Variants in SNED1 observed in about 807,000 individuals in gnomAD.
The protein encoded by SNED1 is sushi, nidogen and EGF-like domain-containing protein 1.
In SNED1, 81 loss-of-function variants were observed where a neutral mutation model predicts 166.7. The observed-to-expected ratio is 0.49, with a 90% CI of 0.41 to 0.58. The LOEUF (loss-of-function observed/expected upper bound fraction) is 0.58. SNED1 is among the 20% of genes least tolerant of loss of function. The probability of loss-of-function intolerance (pLI) is 0.00; values close to 1 mark genes in which losing one functional copy is unlikely to be tolerated. For synonymous variants in SNED1, 762 were observed against 822.0 expected (o/e 0.93, Z 1.25); for missense variants, 1,604 against 2,000.2 (o/e 0.80, Z 3.78).
At chr2:241,041,920 C>T (rs1025043446) in intron 8 of SNED1, among the ~76,000 whole-genome samples, 3 of 152,286 alleles carry the variant, frequency 2.0e-5, no homozygotes, top group African/African-American at 7.2e-5. Flanking sequence ...GAAAAACAGA[C>T]AAAATCTGTG....
intron 31 of SNED1, chr2:241,089,257 TC>T: frequency 6.5e-7 from 1 of 1,531,340 alleles, no homozygotes. Flanking sequence ...GCTTTGCTCT[TC>T]CTGCCCCTTA....
intron 17 of SNED1, chr2:241,063,250 A>AGG: frequency 2.1e-6 from 1 of 482,114 alleles, no homozygotes. Flanking sequence ...ACACTCTTGT[A>AGG]CCTCGCTAGG....
intron 31 of SNED1, chr2:241,089,361 C>T (rs745333252): frequency 3.1e-5 from 48 of 1,550,260 alleles, no homozygotes; most frequent in Middle Eastern, 1.7e-4. Flanking sequence ...TGTTTTGTTA[C>T]GTGCCTAAAA....
At position 241,094,279 on chromosome 2, in the gene SNED1, C is replaced by T. The variant is rs746837415; in HGVS notation, c.*2643C>T. On this transcript the variant is annotated 3_prime_UTR_variant, in exon 32 of 32. Transcript: ENST00000310397. The surrounding 1 kb of genome is among the most constrained non-coding windows in gnomAD (Gnocchi z 4.3). ...GCCCCACTCAGGTATCAGCTCACCTCCTGCACCTCCCCTTAGCAGGAACTC... is the reference window on the plus strand; with the variant it reads ...GCCCCACTCAGGTATCAGCTCACCTTCTGCACCTCCCCTTAGCAGGAACTC... 2 of 469,238 alleles carry T rather than the reference C, an allele frequency of 4.3e-6. No individual in the cohort carries two copies. Among genetic ancestry groups the T allele is most frequent in the South Asian group, 3.1e-5 (2 of 64,484 alleles). The allele number at this position is 469,238 out of a possible 1,614,324, so 29.1% of individuals were successfully genotyped here.
chr2:241,016,252 T>G (rs1414528255), intron 1 of SNED1, among the ~76,000 whole-genome samples: 2 of 139,506 alleles, frequency 1.4e-5, no homozygotes, highest in Non-Finnish European at 3.0e-5. Context: ...TGGAGTGCAG[T>G]GGCACGATCT....
At chr2:241,044,958 G>C (rs929129708) in intron 8 of SNED1, among the ~76,000 whole-genome samples, 1 of 152,150 alleles carries the variant, frequency 6.6e-6, no homozygotes, top group African/African-American at 2.4e-5. Flanking sequence ...GGTGAATCTT[G>C]GGACAGCAAC....
rs1030786275 is a variant in SNED1 at position 241,067,973 on chromosome 2, G to A, written c.3194+26G>A. On this transcript the variant is annotated intron_variant, in intron 22 of 31. Coordinates refer to ENST00000310397, the MANE Select transcript of SNED1 (RefSeq NM_001080437.3). ...GTAAGAAGGGACACCCAGAGCATGG[G>A]GCTGGGGTGAAGGCAGGGGTGGGGG... is the stretch of plus-strand genomic sequence containing the variant. 8 of 1,590,338 alleles carry A rather than the reference G, an allele frequency of 5.0e-6. No homozygotes were observed. The Admixed American group carries it at 5.1e-5, about 10-fold the overall frequency.
intron 16 of SNED1, among the ~76,000 whole-genome samples, chr2:241,058,364 G>A (rs2062127318): frequency 6.6e-6 from 1 of 151,996 alleles, no homozygotes; most frequent in Non-Finnish European, 1.5e-5. Context: ...TTAATTAAAT[G>A]TCTGACTTCA....
At chr2:241,027,330 C>T (rs2061002287) in intron 1 of SNED1, among the ~76,000 whole-genome samples, 1 of 152,212 alleles carries the variant, frequency 6.6e-6, no homozygotes, top group South Asian at 2.1e-4. Flanking sequence ...ATCCACCTGC[C>T]TCAGCCACCA....
chr2:241,035,602 G>T (rs1021456542), intron 4 of SNED1: 1 of 152,218 alleles, frequency 6.6e-6, no homozygotes, highest in Non-Finnish European at 1.5e-5. Flanking sequence ...CCTCCCAGCC[G>T]CGAGCATCTA....
chr2:241,090,409 T>C (rs374005131), intron 31 of SNED1: 15 of 1,548,880 alleles, frequency 9.7e-6, no homozygotes, highest in Middle Eastern at 1.8e-4. Flanking sequence ...CCTGAGGCCA[T>C]TTTATAGTTA....
rs1247660006 is a variant in SNED1, at chr2:241,037,283, C to G, written c.975C>G (p.Thr325=). Residue 325 remains threonine, a synonymous_variant, in exon 6 of 32, where the codon ACC becomes ACG. Transcript: ENST00000310397. The part of the protein sequence containing the change: ...CASQPCQNGG[T]CTHGINSFRC... The stretch of plus-strand genomic sequence containing the variant: ...CCCAGCCCTGTCAGAATGGTGGGAC[C>G]TGTACTCACGGCATCAACAGTTTCC... 1 of 1,611,612 alleles carries G rather than the reference C, an allele frequency of 6.2e-7. No individual in the cohort carries two copies.
chr2:241,047,329 A>G (rs891664126), intron 8 of SNED1, among the ~76,000 whole-genome samples: 33 of 152,164 alleles, frequency 2.2e-4, no homozygotes, highest in Non-Finnish European at 1.2e-4. Context: ...ATATACTTGT[A>G]CCTATTAACA....
intron 16 of SNED1, among the ~76,000 whole-genome samples, chr2:241,055,899 T>A (rs1258868573): frequency 6.6e-6 from 1 of 152,204 alleles, no homozygotes; most frequent in Admixed American, 6.5e-5. Flanking sequence ...TTAAAACTGC[T>A]CTAGCCCCAA....
chr2:241,077,733 A>G (rs2063097253), intron 27 of SNED1, among the ~76,000 whole-genome samples: 1 of 152,224 alleles, frequency 6.6e-6, no homozygotes, highest in African/African-American at 2.4e-5. Context: ...AATGGCCAGT[A>G]ATCACACCGA....
intron 1 of SNED1, among the ~76,000 whole-genome samples, chr2:241,027,694 A>G (rs935721670): frequency 4.7e-5 from 7 of 149,376 alleles, no homozygotes; most frequent in African/African-American, 1.2e-4. Flanking sequence ...AAGGGTTCCA[A>G]TTTCTCCACA....
At chr2:241,027,509 A>G (rs1471631828) in intron 1 of SNED1, among the ~76,000 whole-genome samples, 2 of 152,220 alleles carry the variant, frequency 1.3e-5, no homozygotes, top group East Asian at 1.9e-4. Flanking sequence ...TAATAATGCT[A>G]TGAACATGTG....
At chr2:241,067,704 C>T in intron 21 of SNED1, 60 bp from the exon 22 acceptor site, 4 of 1,465,672 alleles carry the variant, frequency 2.7e-6, no homozygotes, top group Non-Finnish European at 3.7e-6. Flanking sequence ...ATCTTGAGCC[C>T]CTGCACTCCC....
rs201696513 is a variant in SNED1 at position 241,053,263 on chromosome 2, G to C, written c.2194G>C (p.Ala732Pro). Residue 732 changes from alanine (A) to proline (P), a missense_variant, in exon 16 of 32, where the codon GCC (alanine) becomes CCC (proline). Coordinates refer to ENST00000310397, the MANE Select transcript of SNED1 (RefSeq NM_001080437.3). ...YACDRGYSLS[A>P]PSRIRVCQPH... ...ATGTGACCGTGGCTACAGCCTGAGC[G>C]CCCCCAGCCGCATCCGGGTCTGCCA... is the stretch of plus-strand genomic sequence containing the variant. 1 of 1,602,166 alleles carries C rather than the reference G, an allele frequency of 6.2e-7. No homozygotes were observed.
Sources: gnomAD v4.1 joint callset for allele counts (sites outside exome capture counted in the v4.1 genomes callset) on GRCh38, gnomAD v4.1.1 for gene constraint, Gnocchi (gnomAD v3.1) non-coding constraint, MANE v1.5 for transcripts, NCBI Gene and HGNC (gene_info 2026-07-23, HGNC 2026-07-21) for gene names.